RUVBL1: variants seen among roughly 807,000 people sequenced by gnomAD.
The protein encoded by RUVBL1 is ruvB-like 1.
In RUVBL1, 4 loss-of-function variants were observed where a neutral mutation model predicts 52.4. That is an observed-to-expected ratio of 0.08 (90% confidence interval 0.04 to 0.17). The LOEUF is 0.17. Ranked by LOEUF, RUVBL1 falls within the 10% of genes least tolerant of loss-of-function variation. RUVBL1 has a pLI of 1.00. For synonymous variants in RUVBL1, 217 were observed against 214.4 expected (o/e 1.01, Z -0.10); for missense variants, 298 against 572.8 (o/e 0.52, Z 4.90).
intron 3 of RUVBL1, among the ~76,000 whole-genome samples, chr3:128,112,181 G>A (rs143445502): frequency 2.0e-5 from 3 of 152,156 alleles, no homozygotes; most frequent in Non-Finnish European, 2.9e-5. Flanking sequence ...GCAAAAATTC[G>A]AAAGAGAAGC....
chr3:128,152,211 A>G (rs1313231762), intron 1 of RUVBL1, among the ~76,000 whole-genome samples: 1 of 152,184 alleles, frequency 6.6e-6, no homozygotes, highest in East Asian at 1.9e-4. Flanking sequence ...GAATCTAGTG[A>G]GAGTTGTCGA....
chr3:128,129,097 G>A lies in RUVBL1; in HGVS notation c.-39-9683C>T, dbSNP rs139776830. Among the ~76,000 whole-genome samples the A allele has an allele frequency of 1.5e-3, 233 of 152,108 alleles. 1 individual carries two copies. Among genetic ancestry groups the A allele is most frequent in the African/African-American group, 5.2e-3 (215 of 41,470 alleles). ...CAAGTGCCCCCCTTTCCCTTCCCAG[G>A]CTTCAGCCCAGTGCAATGTAGCTTT... On this transcript the variant is annotated intron_variant, in intron 1 of 9. Coordinates refer to the RUVBL1 transcript ENST00000464873.
chr3:128,111,067 A>C (rs1210057340), intron 3 of RUVBL1, among the ~76,000 whole-genome samples: 1 of 151,910 alleles, frequency 6.6e-6, no homozygotes, highest in African/African-American at 2.4e-5. Context: ...TCTACTAAAA[A>C]TACAAAAATT....
chr3:128,153,724 G>A, exon 1 of RUVBL1: 1 of 1,568,556 alleles, frequency 6.4e-7, no homozygotes, highest in Non-Finnish European at 8.6e-7. Flanking sequence ...CGAGTTCCAG[G>A]CAGCGCCCGA....
chr3:128,134,612 C>A (rs1199890760), intron 1 of RUVBL1, among the ~76,000 whole-genome samples: 1 of 151,680 alleles, frequency 6.6e-6, no homozygotes, highest in Non-Finnish European at 1.5e-5. Context: ...CATGGTGAAA[C>A]CCCATCTCTA....
intron 8 of RUVBL1, among the ~76,000 whole-genome samples, chr3:128,088,743 C>T (rs768465729): frequency 6.6e-6 from 1 of 151,920 alleles, no homozygotes; most frequent in Non-Finnish European, 1.5e-5. Flanking sequence ...GCTTGGAGTA[C>T]AGGCGTGAGC....
Position 128,068,039 on chromosome 3 carries a change from C to T in RUVBL1, c.940-2819G>A, listed in dbSNP as rs578142388. The T allele has an allele frequency of 1.2e-5, 20 of 1,613,938 alleles. No homozygotes were observed. The South Asian group carries it at 2.1e-4, about 17-fold the overall frequency. ...TGATGAGAGGCCACCGAGAGACCTC[C>T]ATGGTCCATGAACTCAACCGGTGAG... On this transcript the variant is annotated intron_variant, in intron 9 of 9. Coordinates refer to the RUVBL1 transcript ENST00000464873.
chr3:128,132,927 G>A (rs569856445), intron 1 of RUVBL1, among the ~76,000 whole-genome samples: 9 of 152,326 alleles, frequency 5.9e-5, no homozygotes, highest in African/African-American at 1.7e-4. Context: ...GTAGAGCACC[G>A]AGTGGTCTTT....
intron 1 of RUVBL1, among the ~76,000 whole-genome samples, chr3:128,137,410 A>G (rs1943963784): frequency 6.6e-6 from 1 of 152,212 alleles, no homozygotes; most frequent in African/African-American, 2.4e-5. Flanking sequence ...ACTACTATGA[A>G]CAACTATATG....
At position 128,066,236 on chromosome 3, in the gene RUVBL1, G is replaced by A. The variant is rs570071107; in HGVS notation, c.940-1016C>T. Reference sequence around the variant, plus strand: ...AAGGTGTGAGGCCACTGCTGTAGTGGCCCTGCCTCAGAGCCAGTGTAAAAG... The same window carrying A: ...AAGGTGTGAGGCCACTGCTGTAGTGACCCTGCCTCAGAGCCAGTGTAAAAG... On this transcript the variant is annotated intron_variant, in intron 9 of 9. Transcript: ENST00000464873. Among the ~76,000 whole-genome samples, 5 of 152,232 alleles carry A rather than the reference G, an allele frequency of 3.3e-5. No individual in the cohort carries two copies. The South Asian group carries it at 1.0e-3, about 32-fold the overall frequency.
At chr3:128,141,559 C>G (rs1944020980) in intron 1 of RUVBL1, among the ~76,000 whole-genome samples, 1 of 152,112 alleles carries the variant, frequency 6.6e-6, no homozygotes, top group Admixed American at 6.5e-5. Flanking sequence ...GTAAGTGGCA[C>G]AATCTCGGCT....
rs386397876 is a variant in RUVBL1 at position 128,074,842 on chromosome 3, C to CAAAA, written c.940-9626_940-9623dup. ...GGGCAACAGGAGCGAAACTCCGTCT[C>CAAAA]AAAAAAAAAAAAAAAAAAAAAAACT... On this transcript the variant is annotated intron_variant, in intron 9 of 9. Coordinates refer to the RUVBL1 transcript ENST00000464873. Among the ~76,000 whole-genome samples the CAAAA allele has an allele frequency of 8.1e-4, 59 of 72,784 alleles. 2 individuals carry two copies. The highest frequency in any genetic ancestry group is 1.3e-3 in the Admixed American group (8 of 6,172). 47.7% of individuals were successfully genotyped at this position (72,784 alleles called of 152,430 possible).
intron 1 of RUVBL1, among the ~76,000 whole-genome samples, chr3:128,150,830 TTATATATTCTA>T (rs1394664673): frequency 1.4e-4 from 12 of 83,692 alleles, no homozygotes; most frequent in South Asian, 7.1e-4. Context: ...ATTCTATATA[TTATATATTCTA>T]TATATATTCT....
chr3:128,108,679 G>C (rs537428235), intron 3 of RUVBL1, among the ~76,000 whole-genome samples: 2 of 150,514 alleles, frequency 1.3e-5, no homozygotes, highest in East Asian at 1.9e-4. Flanking sequence ...ATGGGCGACA[G>C]TGTGACACCT....
chr3:128,100,442 G>A (rs371425538), intron 6 of RUVBL1, among the ~76,000 whole-genome samples, 153 bp downstream of exon 6: 3 of 152,138 alleles, frequency 2.0e-5, no homozygotes, highest in African/African-American at 4.8e-5. Context: ...GGAGTCCCTC[G>A]TAGCTCATGT....
intron 1 of RUVBL1, among the ~76,000 whole-genome samples, chr3:128,152,970 CCCGTCTTCCCCCCG>C (rs2107745631): frequency 9.2e-5 from 3 of 32,720 alleles, no homozygotes; most frequent in African/African-American, 1.4e-4. Flanking sequence ...CCCCCCCGCC[CCCGTCTTCCCCCCG>C]CCCACCCCGC....
intron 8 of RUVBL1, among the ~76,000 whole-genome samples, chr3:128,092,038 TA>T (rs1942854906): frequency 6.6e-6 from 1 of 152,120 alleles, no homozygotes; most frequent in South Asian, 2.1e-4. Context: ...GGACACACAG[TA>T]AGAGTGCTAA....
chr3:128,120,355 A>C (rs1943615523), intron 1 of RUVBL1, among the ~76,000 whole-genome samples: 2 of 152,214 alleles, frequency 1.3e-5, no homozygotes, highest in Admixed American at 1.3e-4. Flanking sequence ...TGAATCCTCA[A>C]GGTTAAATTA....
rs1262226359 is a variant in RUVBL1 at position 128,098,955 on chromosome 3, A to G, written c.754-10T>C. On this transcript the variant is annotated splice_polypyrimidine_tract_variant and intron_variant, in intron 6 of 10. Transcript: ENST00000322623. ...GGATATCTTGTCCCCCCTGCATAAG[A>G]GAAGACTTAGAGTCAGTGCTGCTTT... The G allele has an allele frequency of 3.1e-6, 5 of 1,612,758 alleles. No homozygotes were observed. The South Asian group carries it at 5.5e-5, about 18-fold the overall frequency.
Sources: gnomAD v4.1 joint callset for allele counts (sites outside exome capture counted in the v4.1 genomes callset) on GRCh38, gnomAD v4.1.1 for gene constraint, MANE v1.5 for transcripts, NCBI Gene and HGNC (gene_info 2026-07-23, HGNC 2026-07-21) for gene names.